Variants in CBFA2T3 observed in about 807,000 individuals in gnomAD.
CBFA2T3 encodes CBFA2/RUNX1 partner transcriptional co-repressor 3.
A neutral mutation model predicts 58.6 loss-of-function variants in CBFA2T3; 31 were observed. That is an observed-to-expected ratio of 0.53 (90% CI 0.40 to 0.71). The LOEUF (loss-of-function observed/expected upper bound fraction) is 0.71. Among genes scored for constraint, CBFA2T3 ranks in the 30% least tolerant of loss-of-function variants. The pLI is 0.00. For missense variants in CBFA2T3, 1,076 were observed against 963.1 expected (o/e 1.12, Z -1.55); for synonymous variants, 531 against 421.9 (o/e 1.26, Z -3.17).
At chr16:88,931,024 C>A (rs1395937750) in intron 1 of CBFA2T3, among the ~76,000 whole-genome samples, 1 of 151,950 alleles carries the variant, frequency 6.6e-6, no homozygotes, top group Non-Finnish European at 1.5e-5. Flanking sequence ...GTGTATTTTC[C>A]CACAATTAAA....
chr16:88,877,186 G>A lies in CBFA2T3; in HGVS notation c.1752C>T (p.Asp584=). The A allele has an allele frequency of 6.4e-7, 1 of 1,554,456 alleles. No individual in the cohort carries two copies. Among genetic ancestry groups the A allele is most frequent in the Non-Finnish European group, 8.7e-7 (1 of 1,149,470 alleles). Residue 584 remains aspartate (D), a synonymous_variant, in exon 12 of 12, where the codon GAC becomes GAT. Coordinates refer to ENST00000268679, the MANE Select transcript of CBFA2T3 (RefSeq NM_005187.6). ...CACACACGTGGTGATGCTTCTCCCAGTCCCGATGCTGGCAGAAGGACCCGC... is the reference window on the plus strand; with the variant it reads ...CACACACGTGGTGATGCTTCTCCCAATCCCGATGCTGGCAGAAGGACCCGC... ...RYCGSFCQHR[D]WEKHHHVCGQ...
At chr16:88,881,069 T>C in intron 9 of CBFA2T3, 1 of 709,770 alleles carries the variant, frequency 1.4e-6, no homozygotes, top group Non-Finnish European at 2.5e-6. Flanking sequence ...GCAGAGACCC[T>C]CAGGGCCTCC....
At chr16:88,889,873 G>A (rs1260945292) in intron 5 of CBFA2T3, among the ~76,000 whole-genome samples, 1 of 116,252 alleles carries the variant, frequency 8.6e-6, no homozygotes, top group Non-Finnish European at 1.7e-5. Flanking sequence ...TCAAATCCCT[G>A]GACGACGCCC....
chr16:88,902,644 G>C (rs1199837021), intron 1 of CBFA2T3: 1 of 152,038 alleles, frequency 6.6e-6, no homozygotes, highest in Non-Finnish European at 1.5e-5. Flanking sequence ...CACCCTGTCT[G>C]CGGCATTTTC....
At chr16:88,907,413 C>A (rs572341873) in intron 1 of CBFA2T3, among the ~76,000 whole-genome samples, 24 of 152,244 alleles carry the variant, frequency 1.6e-4, no homozygotes, top group Non-Finnish European at 2.8e-4. Context: ...TCCCTATGGC[C>A]CTGGCTCAGA....
At chr16:88,946,047 C>T (rs985729527) in intron 1 of CBFA2T3, among the ~76,000 whole-genome samples, 4 of 152,290 alleles carry the variant, frequency 2.6e-5, no homozygotes, top group Admixed American at 6.5e-5. Context: ...GTGGCTCACA[C>T]CTGTAATCCC....
chr16:88,964,215 G>T (rs1311345589), intron 1 of CBFA2T3, among the ~76,000 whole-genome samples: 1 of 152,224 alleles, frequency 6.6e-6, no homozygotes, highest in Non-Finnish European at 1.5e-5. Context: ...CCAATTCATG[G>T]GTTGCCTCTC....
At chr16:88,906,822 G>A (rs1054711586) in intron 1 of CBFA2T3, among the ~76,000 whole-genome samples, 5 of 152,296 alleles carry the variant, frequency 3.3e-5, no homozygotes, top group Middle Eastern at 3.4e-3. Flanking sequence ...CAGCCCCCAG[G>A]AGATTAAACG....
At chr16:88,963,271 G>GCGCTCGTCTTCTGCCAGGGGTGGGCGCTC (rs1476264223) in intron 1 of CBFA2T3, among the ~76,000 whole-genome samples, 2 of 151,022 alleles carry the variant, frequency 1.3e-5, no homozygotes, top group Non-Finnish European at 3.0e-5. Context: ...CCAGGGGTGG[G>GCGCTCGTCTTCTGCCAGGGGTGGGCGCTC]CGCTCGTCTT....
intron 3 of CBFA2T3, among the ~76,000 whole-genome samples, chr16:88,892,794 T>C (rs1333804422): frequency 6.6e-6 from 1 of 152,040 alleles, no homozygotes; most frequent in East Asian, 1.9e-4. Flanking sequence ...AGGTCCCCAA[T>C]GGGTAAGGGC....
intron 1 of CBFA2T3, among the ~76,000 whole-genome samples, chr16:88,927,615 C>T (rs1226031303): frequency 2.6e-5 from 4 of 152,176 alleles, no homozygotes; most frequent in South Asian, 2.1e-4. Flanking sequence ...TGATAATCTC[C>T]GGGCTGCTCT....
intron 1 of CBFA2T3, among the ~76,000 whole-genome samples, chr16:88,934,319 G>A (rs956145104): frequency 1.3e-5 from 2 of 152,268 alleles, no homozygotes; most frequent in Non-Finnish European, 2.9e-5. Flanking sequence ...GGGCCCATAG[G>A]GGAGGCTCCA....
chr16:88,959,129 C>T (rs761616980), intron 1 of CBFA2T3, among the ~76,000 whole-genome samples: 9 of 152,220 alleles, frequency 5.9e-5, no homozygotes, highest in Non-Finnish European at 8.8e-5. Context: ...TGCTGATTGA[C>T]GCGCTGAATC....
Position 88,967,666 on chromosome 16 carries a change from G to A in CBFA2T3, c.151+8991C>T, listed in dbSNP as rs551224824. ...GAAGGAGCAGGCCGGGGACGGGGAC[G>A]GCGTGCTGCCCTGCGTGGCTCCCGC... On this transcript the variant is annotated intron_variant, in intron 1 of 11. Coordinates refer to ENST00000268679, the MANE Select transcript of CBFA2T3 (RefSeq NM_005187.6). Among the ~76,000 whole-genome samples, 9 of 152,330 alleles carry A rather than the reference G, an allele frequency of 5.9e-5. No homozygotes were observed. The East Asian group carries it at 1.2e-3, about 20-fold the overall frequency.
At chr16:88,922,811 T>G (rs1970964647) in intron 1 of CBFA2T3, among the ~76,000 whole-genome samples, 1 of 152,210 alleles carries the variant, frequency 6.6e-6, no homozygotes, top group South Asian at 2.1e-4. Flanking sequence ...CTGCGTGGTT[T>G]CACATGGCCA....
At chr16:88,912,998 C>T (rs536843358) in intron 1 of CBFA2T3, among the ~76,000 whole-genome samples, 1 of 152,388 alleles carries the variant, frequency 6.6e-6, no homozygotes, top group Admixed American at 6.5e-5. Context: ...GGCGCGTTTC[C>T]TGCTAATGGC....
At chr16:88,928,721 G>A (rs900553332) in intron 1 of CBFA2T3, among the ~76,000 whole-genome samples, 3 of 152,166 alleles carry the variant, frequency 2.0e-5, no homozygotes, top group Non-Finnish European at 2.9e-5. Flanking sequence ...AGCTGACCTC[G>A]GACGGGAGCC....
chr16:88,897,389 C>T (rs1156955871), intron 3 of CBFA2T3, among the ~76,000 whole-genome samples: 1 of 152,232 alleles, frequency 6.6e-6, no homozygotes, highest in Non-Finnish European at 1.5e-5. Flanking sequence ...TAGTGATGGA[C>T]CGGAGTCTGT....
intron 1 of CBFA2T3, among the ~76,000 whole-genome samples, chr16:88,926,358 A>G (rs1033249983): frequency 6.6e-6 from 1 of 152,158 alleles, no homozygotes; most frequent in African/African-American, 2.4e-5. Flanking sequence ...AGGCCCCCCA[A>G]GCGCTCCGAG....
Sources: gnomAD v4.1 joint callset for allele counts (sites outside exome capture counted in the v4.1 genomes callset) on GRCh38, gnomAD v4.1.1 for gene constraint, MANE v1.5 for transcripts, NCBI Gene and HGNC (gene_info 2026-07-23, HGNC 2026-07-21) for gene names.